The following WDR43 variants were observed in gnomAD, a reference collection of about 807,000 sequenced individuals.
WDR43 encodes the protein WD repeat-containing protein 43.
Under a neutral mutation model 91.4 loss-of-function variants are expected in WDR43, and 13 were observed. The observed-to-expected ratio is 0.14, with a 90% CI of 0.09 to 0.23. WDR43 has a LOEUF of 0.23. Ranked by LOEUF, WDR43 falls within the 10% of genes least tolerant of loss-of-function variation. WDR43 has a pLI of 1.00. For missense variants in WDR43, 780 were observed against 809.4 expected, an observed-to-expected ratio of 0.96 and a Z score of 0.44; for synonymous variants, 331 against 287.9, an observed-to-expected ratio of 1.15 and a Z score of -1.51.
In WDR43 at chr2:28,906,567, A is replaced by G; in HGVS notation, c.471A>G (p.Thr157=). 1.2e-6 allele frequency: 2 copies of G among 1,612,168 alleles called. No individual in the cohort carries two copies. The highest frequency in any genetic ancestry group is 1.1e-5 in the South Asian group (1 of 90,572). Residue 157 remains threonine (T), a synonymous_variant, in exon 3 of 18, where the codon ACA becomes ACG. Transcript: ENST00000407426. Reference sequence around the variant, plus strand: ...ATATTGTGGAATGGAACGTACAGACATGCAAAGTAAAGTGGTGAGTAACAT... The same window carrying G: ...ATATTGTGGAATGGAACGTACAGACGTGCAAAGTAAAGTGGTGAGTAACAT... ...DKHIVEWNVQ[T]CKVKCKWKGD... is the part of the protein sequence containing the mutation.
chr2:28,894,938 A>T lies in WDR43; in HGVS notation c.225+15A>T. ...TGCAGGCCAAGGTAAAGCGAGCGGG[A>T]CTGCGCGGGGCGGGCGCCTTCCCGG... On this transcript the variant is annotated intron_variant, in intron 1 of 17. Coordinates refer to ENST00000407426, the MANE Select transcript of WDR43 (RefSeq NM_015131.3). The T allele has an allele frequency of 6.5e-7, 1 of 1,540,962 alleles. No individual in the cohort carries two copies. Among genetic ancestry groups the T allele is most frequent in the South Asian group, 1.2e-5 (1 of 84,036 alleles).
At chr2:28,927,062 A>G (rs767912395) in intron 9 of WDR43, 1 of 519,302 alleles carries the variant, frequency 1.9e-6, no homozygotes, top group East Asian at 5.4e-5. Context: ...AGGGAAAGCC[A>G]AGACATGCTA....
intron 7 of WDR43, 67 bp downstream of exon 7, chr2:28,923,050 C>CGA: frequency 7.5e-7 from 1 of 1,336,648 alleles, no homozygotes; most frequent in Non-Finnish European, 1.0e-6. Context: ...GTCATACTCC[C>CGA]ACCTGGTTAT....
At chr2:28,895,027 C>T (rs903242645) in intron 1 of WDR43, 104 bp downstream of exon 1, 3 of 1,220,530 alleles carry the variant, frequency 2.5e-6, no homozygotes, top group Non-Finnish European at 3.2e-6. Context: ...CTCTCAGCGG[C>T]CCGGGCCAGA....
intron 11 of WDR43, among the ~76,000 whole-genome samples, chr2:28,931,058 A>G (rs1002056877): frequency 1.3e-5 from 2 of 151,342 alleles, no homozygotes; most frequent in Non-Finnish European, 2.9e-5. Context: ...GATTGTCTCA[A>G]ACTTTTTTTT....
chr2:28,946,344 A>G, intron 16 of WDR43, 106 bp from the exon 17 acceptor site: 1 of 1,155,672 alleles, frequency 8.7e-7, no homozygotes, highest in African/African-American at 1.6e-5. Context: ...GCTAAATATA[A>G]ATAATATTTC....
chr2:28,902,023 G>A lies in WDR43; in HGVS notation c.262G>A (p.Val88Ile), dbSNP rs73920398. 686 of 1,606,126 alleles carry A rather than the reference G, an allele frequency of 4.3e-4. 2 individuals carry two copies. In the African/African-American group the frequency reaches 8.3e-3, roughly 19 times the overall value. ...PQRKKRKSEA[V>I]GMSNQTDLLA... The stretch of plus-strand genomic sequence containing the variant: ...GAGGAAAAAAAGGAAATCAGAAGCT[G>A]TAGGAATGAGTAACCAGACTGACTT... Residue 88 changes from valine to isoleucine, a missense_variant, in exon 2 of 18, where the codon GTA becomes ATA. By Grantham distance (29) the Val-to-Ile change is conservative. This residue lies in a region of WDR43 where 174 missense variants were observed against 207.3 expected (regional missense o/e 0.84). Coordinates refer to ENST00000407426, the MANE Select transcript of WDR43 (RefSeq NM_015131.3).
chr2:28,912,783 T>G, intron 4 of WDR43, 73 bp downstream of exon 4: 1 of 1,549,870 alleles, frequency 6.5e-7, no homozygotes, highest in South Asian at 1.2e-5. Flanking sequence ...GTTTGAACCA[T>G]AAGATATTAT....
chr2:28,939,609 A>G (rs1331208388), intron 14 of WDR43, among the ~76,000 whole-genome samples: 1 of 152,192 alleles, frequency 6.6e-6, no homozygotes, highest in African/African-American at 2.4e-5. Context: ...GGATTCAGCA[A>G]TGTACCAAAC....
intron 11 of WDR43, chr2:28,930,132 G>T: frequency 2.1e-6 from 1 of 471,174 alleles, no homozygotes; most frequent in South Asian, 1.5e-5. Flanking sequence ...GGGCAGTGAG[G>T]TGGAACCTTG....
At chr2:28,944,873 A>T (rs1671513830) in intron 16 of WDR43, among the ~76,000 whole-genome samples, 1 of 152,258 alleles carries the variant, frequency 6.6e-6, no homozygotes, top group Non-Finnish European at 1.5e-5. Context: ...GCGGAGCCAG[A>T]TAGCACGGCA....
At chr2:28,925,753 G>T (rs184784545) in intron 8 of WDR43, among the ~76,000 whole-genome samples, 1 of 152,128 alleles carries the variant, frequency 6.6e-6, no homozygotes, top group Admixed American at 6.5e-5. Context: ...ACTATGAGTG[G>T]AATATTACAT....
intron 13 of WDR43, among the ~76,000 whole-genome samples, chr2:28,937,473 GC>G (rs1671356782): frequency 6.6e-6 from 1 of 151,924 alleles, no homozygotes. Context: ...AAAGAGGAAA[GC>G]TAAATAATTC....
intron 16 of WDR43, among the ~76,000 whole-genome samples, chr2:28,945,702 C>T (rs924560387): frequency 5.3e-5 from 8 of 152,204 alleles, no homozygotes. Flanking sequence ...CAGTTTTTTC[C>T]TCTCCATTGT....
At chr2:28,935,705 T>A in intron 12 of WDR43, 98 bp downstream of exon 12, 1 of 641,184 alleles carries the variant, frequency 1.6e-6, no homozygotes, top group Non-Finnish European at 2.4e-6. Flanking sequence ...TAAGGACACA[T>A]GGCATTTAGA....
chr2:28,922,374 C>A (rs1442584605), intron 6 of WDR43, among the ~76,000 whole-genome samples: 1 of 152,132 alleles, frequency 6.6e-6, no homozygotes, highest in Non-Finnish European at 1.5e-5. Context: ...TTTAGAGAGG[C>A]TGACAGCAAG....
chr2:28,935,768 A>G, intron 12 of WDR43, 161 bp downstream of exon 12: 1 of 393,392 alleles, frequency 2.5e-6, no homozygotes, highest in Admixed American at 4.5e-5. Flanking sequence ...AAAAAAAAAA[A>G]GTGAAATTAA....
chr2:28,945,389 A>C (rs1035895097), intron 16 of WDR43, among the ~76,000 whole-genome samples: 1 of 152,162 alleles, frequency 6.6e-6, no homozygotes, highest in African/African-American at 2.4e-5. Context: ...ACTAGACTCG[A>C]GTTTTGCATC....
At chr2:28,929,518 TG>T in intron 10 of WDR43, 60 bp from the exon 11 acceptor site, 2 of 1,361,700 alleles carry the variant, frequency 1.5e-6, no homozygotes, top group South Asian at 3.8e-5. Context: ...TTATTTTTTT[TG>T]TCTCCAAACT....
Sources: allele counts gnomAD v4.1 joint callset (sites outside exome capture counted in the v4.1 genomes callset), GRCh38; gene constraint gnomAD v4.1.1; regional missense constraint gnomAD v4.1.1; transcripts MANE v1.5; gene names NCBI Gene and HGNC (gene_info 2026-07-23, HGNC 2026-07-21).